ERLIN2: variants seen among roughly 807,000 people sequenced by gnomAD.
ERLIN2 encodes the protein ER lipid raft associated 2, also known as erlin-2.
ERLIN2 carries 22 observed loss-of-function variants against 41.5 expected under a neutral mutation model. That is an observed-to-expected ratio of 0.53 (90% CI 0.38 to 0.76). ERLIN2 has a LOEUF of 0.76. ERLIN2 is among the 30% of genes least tolerant of loss of function. The pLI is 0.00. For missense variants in ERLIN2, 247 were observed against 414.3 expected, an observed-to-expected ratio of 0.60 and a Z score of 3.51; for synonymous variants, 149 against 150.9, an observed-to-expected ratio of 0.99 and a Z score of 0.09.
At chr8:37,747,332 C>A (rs777991404) in intron 6 of ERLIN2, 3 of 1,211,036 alleles carry the variant, frequency 2.5e-6, no homozygotes, top group Non-Finnish European at 3.7e-6. Flanking sequence ...GAAAAAAAGC[C>A]TGGTTATTTG....
intron 4 of ERLIN2, among the ~76,000 whole-genome samples, chr8:37,742,628 G>A (rs1802891516): frequency 6.6e-6 from 1 of 152,094 alleles, no homozygotes. Context: ...CACATGGAGG[G>A]GAACAACACA....
chr8:37,748,050 G>A (rs1803116470), intron 6 of ERLIN2: 2 of 1,520,612 alleles, frequency 1.3e-6, no homozygotes, highest in Non-Finnish European at 1.8e-6. Context: ...GAAGAGGGTC[G>A]CGCCGAAATG....
chr8:37,736,862 C>G (rs1366650667), intron 1 of ERLIN2, 184 bp downstream of exon 1: 3 of 985,818 alleles, frequency 3.0e-6, no homozygotes, highest in African/African-American at 3.5e-5. Context: ...GGGGACCGAG[C>G]GGAGGCTATT....
rs1803369495 is a variant in ERLIN2 at position 37,756,835 on chromosome 8, G to T, written c.*2720G>T. On this transcript the variant is annotated 3_prime_UTR_variant, in exon 12 of 12. Transcript: ENST00000519638. ...GGAACATCTATCAAAATAAGTAACT[G>T]TTTATAAAATTCAGTTTTTGTAGGG... is the stretch of plus-strand genomic sequence containing the variant. The T allele has an allele frequency of 1.3e-5, 2 of 152,696 alleles. No individual in the cohort carries two copies. Among genetic ancestry groups the T allele is most frequent in the African/African-American group, 4.8e-5 (2 of 41,558 alleles). The allele number at this position is 152,696 out of a possible 1,614,324, so 9.5% of individuals were successfully genotyped here.
At chr8:37,750,011 G>A (rs1803182002) in intron 8 of ERLIN2, 159 bp downstream of exon 8, 1 of 724,182 alleles carries the variant, frequency 1.4e-6, no homozygotes, top group South Asian at 1.5e-5. Context: ...GGCGTGTCAG[G>A]GCCACCACTG....
rs74575709 is a variant in ERLIN2, at chr8:37,748,804, A to T, written c.425-755A>T. Among the ~76,000 whole-genome samples, 468 of 152,356 alleles carry T rather than the reference A, an allele frequency of 3.1e-3. 5 individuals are homozygous for T. In the East Asian group the frequency reaches 0.033, roughly 11 times the overall value. On this transcript the variant is annotated intron_variant, in intron 6 of 11. Coordinates refer to ENST00000519638, the MANE Select transcript of ERLIN2 (RefSeq NM_007175.8). Reference sequence around the variant, plus strand: ...GAGGATTCTAAAACCTGAGAAGCCCATGCCAGAGAAGTCAGCTTTGGTACT... The same window carrying T: ...GAGGATTCTAAAACCTGAGAAGCCCTTGCCAGAGAAGTCAGCTTTGGTACT...
Position 37,736,681 on chromosome 8 carries a change from A to T in ERLIN2, c.-16+3A>T. 1 of 985,588 alleles carries T rather than the reference A, an allele frequency of 1.0e-6. No individual in the cohort carries two copies. The highest frequency in any genetic ancestry group is 1.2e-6 in the Non-Finnish European group (1 of 830,050). 61.1% of individuals were successfully genotyped at this position (985,588 alleles called of 1,614,324 possible). On this transcript the variant is annotated splice_donor_region_variant and intron_variant, in intron 1 of 11. Transcript: ENST00000519638. ...GGAGCGCCTGCAGGGACAGCCTGGTACGCGGCCCCCGCCCCTTCGTGCGCG... is the reference window on the plus strand; with the variant it reads ...GGAGCGCCTGCAGGGACAGCCTGGTTCGCGGCCCCCGCCCCTTCGTGCGCG...
intron 1 of ERLIN2, 137 bp downstream of exon 1, chr8:37,736,815 A>G (rs1008888915): frequency 1.0e-6 from 1 of 985,506 alleles, no homozygotes; most frequent in Non-Finnish European, 1.2e-6. Flanking sequence ...AGAGACAGAA[A>G]CCCTTTTCTG....
rs1169446426 is a variant in ERLIN2 at position 37,749,585 on chromosome 8, G to A, written c.451G>A (p.Ala151Thr). Residue 151 changes from alanine (A) to threonine (T), a missense_variant, in exon 7 of 12, where the codon GCT becomes ACT. Ala to Thr is a moderately conservative substitution (Grantham distance 58). This residue lies in a region of ERLIN2 where 153 missense variants were observed against 256.4 expected (regional missense o/e 0.60). Transcript: ENST00000519638. ...TCAGATTGATGAAAATCTCAAACTG[G>A]CTTTGCAACAGGACCTGACCTCCAT... ...FDQIDENLKL[A>T]LQQDLTSMAP... 6.2e-7 allele frequency: 1 copy of A among 1,613,746 alleles called. No homozygotes were observed. Among genetic ancestry groups the A allele is most frequent in the Admixed American group, 1.7e-5 (1 of 60,026 alleles).
rs529190781 is a variant in ERLIN2, at chr8:37,748,045, G to A, written c.425-1514G>A. 3.8e-5 allele frequency: 59 copies of A among 1,549,586 alleles called. No homozygotes were observed. In the East Asian group the frequency reaches 1.0e-3, roughly 27 times the overall value. On this transcript the variant is annotated intron_variant, in intron 6 of 11. Transcript: ENST00000519638. The stretch of plus-strand genomic sequence containing the variant: ...CCTGAAAAACTCTACGCAAAGAAGA[G>A]GGTCGCGCCGAAATGACGTCACGAG...
At chr8:37,738,160 G>T (rs940046742) in intron 2 of ERLIN2, 131 bp downstream of exon 2, 51 of 1,006,116 alleles carry the variant, frequency 5.1e-5, no homozygotes, top group South Asian at 6.6e-5. Context: ...TTTTCAGATG[G>T]AGCTTTTTAT....
intron 2 of ERLIN2, 91 bp from the exon 3 acceptor site, chr8:37,740,274 G>A (rs1268659275): frequency 2.4e-6 from 2 of 846,726 alleles, no homozygotes; most frequent in East Asian, 5.2e-5. Context: ...TATGTTTATA[G>A]GGCTGAAGGG....
chr8:37,737,503 T>G (rs1315948358), intron 1 of ERLIN2: 1 of 251,194 alleles, frequency 4.0e-6, no homozygotes, highest in Non-Finnish European at 8.0e-6. Context: ...TAGCCACAAC[T>G]GCCTGTCATT....
At chr8:37,740,698 G>T (rs2129655451) in intron 3 of ERLIN2, 1 of 155,770 alleles carries the variant, frequency 6.4e-6, no homozygotes, top group Non-Finnish European at 1.4e-5. Context: ...TATATGGAAA[G>T]AAAAGTCAGG....
chr8:37,742,062 G>A (rs1319484643), intron 4 of ERLIN2, among the ~76,000 whole-genome samples: 2 of 151,986 alleles, frequency 1.3e-5, no homozygotes, highest in Non-Finnish European at 2.9e-5. Context: ...AGTGAGGATC[G>A]GCCGGGCGCG....
intron 6 of ERLIN2, chr8:37,747,444 T>C: frequency 6.2e-7 from 1 of 1,611,660 alleles, no homozygotes; most frequent in South Asian, 1.1e-5. Flanking sequence ...GCTCCAGCTG[T>C]TTTTCAATCA....
In ERLIN2 at chr8:37,750,467, G is replaced by A. The variant is rs1249706712; in HGVS notation, c.630G>A (p.Glu210=). 6.2e-7 allele frequency: 1 copy of A among 1,613,394 alleles called. No individual in the cohort carries two copies. The highest frequency in any genetic ancestry group is 1.7e-5 in the Admixed American group (1 of 60,038). The change falls in exon 9 of 12, where the codon GAG becomes GAA. Residue 210 remains glutamate (E), a synonymous_variant. Transcript: ENST00000519638. ...TGGTGGAAAAGGAAGCAGAGACAGAGCGGAAGAAGGCGCTCATTGGTCTGA... is the reference window on the plus strand; with the variant it reads ...TGGTGGAAAAGGAAGCAGAGACAGAACGGAAGAAGGCGCTCATTGGTCTGA... ...QKVVEKEAET[E]RKKALIEAEK...
At chr8:37,740,704 T>C (rs1169812204) in intron 3 of ERLIN2, 1 of 154,846 alleles carries the variant, frequency 6.5e-6, no homozygotes, top group Admixed American at 6.5e-5. Context: ...GAAAGAAAAG[T>C]CAGGGTTTAT....
intron 7 of ERLIN2, 39 bp from the exon 8 acceptor site, chr8:37,749,755 C>T (rs1185774236): frequency 6.2e-7 from 1 of 1,607,458 alleles, no homozygotes; most frequent in East Asian, 2.2e-5. Flanking sequence ...CCTCACTACC[C>T]TCACTTTCCC....
Sources: allele counts gnomAD v4.1 joint callset (sites outside exome capture counted in the v4.1 genomes callset), GRCh38; gene constraint gnomAD v4.1.1; regional missense constraint gnomAD v4.1.1; transcripts MANE v1.5; gene names NCBI Gene and HGNC (gene_info 2026-07-23, HGNC 2026-07-21).